Variants in RSRC1 observed in about 807,000 individuals in gnomAD.
RSRC1 encodes the protein serine/Arginine-related protein 53.
RSRC1 carries 39 observed loss-of-function variants against 49.1 expected under a neutral mutation model. That is an observed-to-expected ratio of 0.79 (90% CI 0.61 to 1.04). The LOEUF (loss-of-function observed/expected upper bound fraction) is 1.04. RSRC1 is among the 50% of genes least tolerant of loss of function. The pLI, the probability that RSRC1 is intolerant of heterozygous loss-of-function variation, is 0.00. For missense variants in RSRC1, 388 were observed against 402.4 expected, an observed-to-expected ratio of 0.96 and a Z score of 0.31; for synonymous variants, 143 against 130.8, an observed-to-expected ratio of 1.09 and a Z score of -0.63.
intron 4 of RSRC1, among the ~76,000 whole-genome samples, chr3:158,249,912 TC>T (rs1724113687): frequency 6.6e-6 from 1 of 152,142 alleles, no homozygotes; most frequent in South Asian, 2.1e-4. Context: ...ATACTCTTTT[TC>T]ATTCTATCTA....
intron 7 of RSRC1, among the ~76,000 whole-genome samples, chr3:158,501,375 C>G (rs910704752): frequency 6.6e-6 from 1 of 152,134 alleles, no homozygotes; most frequent in Non-Finnish European, 1.5e-5. Context: ...CTGCTAAGTC[C>G]ATTTGTTCCA....
chr3:158,275,682 T>C (rs1193506), intron 4 of RSRC1: 147,745 of 373,166 alleles, frequency 0.4, 31,789 homozygotes, highest in East Asian at 0.61. Flanking sequence ...TATTGCACTT[T>C]AACTTTCTTA....
intron 6 of RSRC1, among the ~76,000 whole-genome samples, chr3:158,443,323 C>A (rs776259731): frequency 1.3e-5 from 2 of 152,150 alleles, no homozygotes; most frequent in Non-Finnish European, 2.9e-5. Context: ...TGTCATTTAG[C>A]GTAGCCGCCT....
intron 6 of RSRC1, among the ~76,000 whole-genome samples, chr3:158,397,533 G>T (rs1733677777): frequency 6.6e-6 from 1 of 152,156 alleles, no homozygotes; most frequent in South Asian, 2.1e-4. Flanking sequence ...TTCATTTCTA[G>T]AAAACACTCT....
At chr3:158,402,403 C>T (rs1733938576) in intron 6 of RSRC1, among the ~76,000 whole-genome samples, 1 of 151,742 alleles carries the variant, frequency 6.6e-6, no homozygotes, top group Non-Finnish European at 1.5e-5. Flanking sequence ...GAAGTATAGG[C>T]ACAGTATCAT....
intron 6 of RSRC1, among the ~76,000 whole-genome samples, chr3:158,380,924 T>TG (rs979115200): frequency 6.6e-6 from 1 of 152,206 alleles, no homozygotes; most frequent in African/African-American, 2.4e-5. Context: ...TTAAACTGTA[T>TG]GGGTCTACTT....
intron 4 of RSRC1, among the ~76,000 whole-genome samples, chr3:158,265,560 G>A (rs1222049811): frequency 1.3e-5 from 2 of 152,024 alleles, no homozygotes; most frequent in East Asian, 1.9e-4. Flanking sequence ...GAAACCGGGA[G>A]GCAGAGGTTA....
intron 3 of RSRC1, among the ~76,000 whole-genome samples, chr3:158,177,111 A>T (rs549737299): frequency 1.3e-5 from 2 of 152,370 alleles, no homozygotes; most frequent in East Asian, 3.9e-4. Flanking sequence ...CACACCAGTT[A>T]GAATGTCCAT....
In RSRC1 at chr3:158,358,592, A is replaced by G. The variant is rs1025418661; in HGVS notation, c.583+3684A>G. Among the ~76,000 whole-genome samples the G allele has an allele frequency of 2.0e-5, 3 of 152,120 alleles. 1 individual carries two copies. The highest frequency in any genetic ancestry group is 7.2e-5 in the African/African-American group (3 of 41,444). ...ACAGATGTGTGTTTTTTTCTAGTTC[A>G]TTGAGGTGAAATTTACATAACATAA... On this transcript the variant is annotated intron_variant, in intron 6 of 9. Coordinates refer to ENST00000611884, the MANE Select transcript of RSRC1 (RefSeq NM_001271838.2).
At position 158,293,395 on chromosome 3, in the gene RSRC1, T is replaced by C. The variant is rs140137835; in HGVS notation, c.495-4644T>C. Among the ~76,000 whole-genome samples the C allele has an allele frequency of 1.5e-3, 231 of 152,198 alleles. 1 individual carries two copies. Among genetic ancestry groups the C allele is most frequent in the African/African-American group, 5.4e-3 (224 of 41,572 alleles). ...GCTGCCCCAGCTTTCTTTTGGTCCA[T>C]ATTTGCCTGGTTTTATGGGAAACCT... On this transcript the variant is annotated intron_variant, in intron 4 of 9. Coordinates refer to ENST00000611884, the MANE Select transcript of RSRC1 (RefSeq NM_001271838.2).
chr3:158,329,888 C>T (rs1006667888), intron 5 of RSRC1, among the ~76,000 whole-genome samples: 1 of 152,200 alleles, frequency 6.6e-6, no homozygotes, highest in Non-Finnish European at 1.5e-5. Flanking sequence ...CCACCCAGTT[C>T]GAGCTTCTGG....
chr3:158,159,123 C>G (rs909391559), intron 3 of RSRC1, among the ~76,000 whole-genome samples: 3 of 151,954 alleles, frequency 2.0e-5, no homozygotes, highest in Non-Finnish European at 2.9e-5. Context: ...GCTGGCCTGG[C>G]CTGAGATTCT....
intron 3 of RSRC1, among the ~76,000 whole-genome samples, chr3:158,179,779 A>T (rs577414656): frequency 6.6e-6 from 1 of 152,296 alleles, no homozygotes; most frequent in East Asian, 1.9e-4. Flanking sequence ...AAGTCATAGT[A>T]GTTACATGTT....
chr3:158,212,034 C>T (rs1721705255), intron 4 of RSRC1, among the ~76,000 whole-genome samples: 2 of 151,780 alleles, frequency 1.3e-5, no homozygotes, highest in African/African-American at 4.8e-5. Context: ...TTCCTAACTC[C>T]TCAAGAGTGT....
chr3:158,183,253 A>G (rs1005278587), intron 3 of RSRC1, among the ~76,000 whole-genome samples: 7 of 151,984 alleles, frequency 4.6e-5, no homozygotes, highest in African/African-American at 1.4e-4. Flanking sequence ...AATGGTTTTT[A>G]TTATTTTTAA....
Position 158,487,949 on chromosome 3 carries a change from G to GAAAA in RSRC1, c.652+26968_652+26971dup, listed in dbSNP as rs58689210. Among the ~76,000 whole-genome samples the GAAAA allele has an allele frequency of 5.0e-3, 144 of 28,928 alleles. 13 individuals carry two copies. Among genetic ancestry groups the GAAAA allele is most frequent in the African/African-American group, 0.017 (128 of 7,494 alleles). The allele number at this position is 28,928 out of a possible 152,430, so 19.0% of individuals were successfully genotyped here. ...TAGGAGACAAGAGACTCCATCTCAAGAAAAAAAAAAAAAAAAAAAAAAAAA... is the reference window on the plus strand; with the variant it reads ...TAGGAGACAAGAGACTCCATCTCAAGAAAAAAAAAAAAAAAAAAAAAAAAAAAAA... On this transcript the variant is annotated intron_variant, in intron 7 of 9. Coordinates refer to ENST00000611884, the MANE Select transcript of RSRC1 (RefSeq NM_001271838.2).
rs1409724315 is a variant in RSRC1 at position 158,325,397 on chromosome 3, A to C, written c.531+27322A>C. ...TAAGTCTTTAATCCATCTTGAATTA[A>C]TTTTTGTATATGGTGTAAGGAAGTG... On this transcript the variant is annotated intron_variant, in intron 5 of 9. Transcript: ENST00000611884. 5.3e-5 allele frequency among the ~76,000 whole-genome samples: 8 copies of C among 152,166 alleles called. No individual in the cohort carries two copies. In the South Asian group the frequency reaches 1.5e-3, roughly 28 times the overall value.
intron 6 of RSRC1, 173 bp downstream of exon 6, chr3:158,355,081 A>G: frequency 2.2e-6 from 1 of 448,248 alleles, no homozygotes; most frequent in Non-Finnish European, 4.0e-6. Flanking sequence ...TTATTGCCGC[A>G]GTATAATGCT....
chr3:158,514,622 G>A (rs1277636095), intron 7 of RSRC1, among the ~76,000 whole-genome samples: 2 of 152,110 alleles, frequency 1.3e-5, no homozygotes, highest in East Asian at 1.9e-4. Context: ...TTCTGTAGAT[G>A]TCTATTATGT....
Sources: allele counts gnomAD v4.1 joint callset (sites outside exome capture counted in the v4.1 genomes callset), GRCh38; gene constraint gnomAD v4.1.1; transcripts MANE v1.5; gene names NCBI Gene and HGNC (gene_info 2026-07-23, HGNC 2026-07-21).